MAP2K1: variants seen among roughly 807,000 people sequenced by gnomAD.
MAP2K1 encodes the protein mitogen-activated protein kinase kinase 1.
MAP2K1 carries 16 observed loss-of-function variants against 46.3 expected under a neutral mutation model. The ratio of observed to expected loss-of-function variants is 0.35; its 90% confidence interval spans 0.23 to 0.52. The LOEUF (loss-of-function observed/expected upper bound fraction) is 0.52, where lower values mean the gene tolerates loss of function less well. Among genes scored for constraint, MAP2K1 ranks in the 20% least tolerant of loss-of-function variants. The pLI is 0.94. For synonymous variants in MAP2K1, 183 were observed against 185.6 expected (o/e 0.99, Z 0.11); for missense variants, 263 against 497.1 (o/e 0.53, Z 4.48).
At chr15:66,400,378 G>A (rs1262009698) in intron 1 of MAP2K1, among the ~76,000 whole-genome samples, 1 of 152,032 alleles carries the variant, frequency 6.6e-6, no homozygotes, top group Non-Finnish European at 1.5e-5. Flanking sequence ...GCATTTCTCT[G>A]TGTGGATATT....
At chr15:66,441,421 A>T (rs994094727) in intron 3 of MAP2K1, among the ~76,000 whole-genome samples, 1 of 152,122 alleles carries the variant, frequency 6.6e-6, no homozygotes, top group Non-Finnish European at 1.5e-5. Flanking sequence ...TTGTAATCCC[A>T]GCACTTTGGG....
chr15:66,468,169 T>A (rs915788148), intron 5 of MAP2K1, among the ~76,000 whole-genome samples: 2 of 152,226 alleles, frequency 1.3e-5, no homozygotes, highest in Non-Finnish European at 2.9e-5. Flanking sequence ...TAGAGCTGTT[T>A]TATATTTTTT....
chr15:66,420,715 A>ATATATATATATATATATATG (rs1174431450), intron 1 of MAP2K1, among the ~76,000 whole-genome samples: 1 of 33,990 alleles, frequency 2.9e-5, no homozygotes, highest in Non-Finnish European at 6.3e-5. Context: ...GCATATATAT[A>ATATATATATATATATATATG]TATATATGTG....
intron 1 of MAP2K1, among the ~76,000 whole-genome samples, chr15:66,422,920 C>CT (rs147500143): frequency 7.7e-4 from 116 of 150,686 alleles, no homozygotes; most frequent in South Asian, 7.0e-3. Context: ...TTCTTTTATT[C>CT]TTTTTTTTTG....
intron 1 of MAP2K1, among the ~76,000 whole-genome samples, chr15:66,420,350 T>C (rs1253096805): frequency 6.6e-6 from 1 of 152,066 alleles, no homozygotes; most frequent in African/African-American, 2.4e-5. Context: ...GTGGACCACT[T>C]GAGCCCAGGA....
At chr15:66,414,288 A>C (rs979341007) in intron 1 of MAP2K1, among the ~76,000 whole-genome samples, 6 of 123,398 alleles carry the variant, frequency 4.9e-5, no homozygotes, top group African/African-American at 1.6e-4. Context: ...TCCTGACCAC[A>C]CACACTTCTG....
At position 66,460,977 on chromosome 15, in the gene MAP2K1, C is replaced by G. The variant is rs74824616; in HGVS notation, c.568+16270C>G. Among the ~76,000 whole-genome samples the G allele has an allele frequency of 5.3e-5, 8 of 152,222 alleles. No homozygotes were observed. The East Asian group carries it at 1.5e-3, about 29-fold the overall frequency. ...AGGGCTGTACGTGGAGAGCTGTGTT[C>G]TCCTCCTCCTCAGATCACAAAGCCT... On this transcript the variant is annotated intron_variant, in intron 5 of 10. Transcript: ENST00000307102.
rs2140675176 is a variant in MAP2K1 at position 66,485,141 on chromosome 15, A to G, written c.845A>G (p.Asp282Gly). ...ATGTTTGGGTGCCAGGTGGAAGGAG[A>G]TGCGGCTGAGACCCCACCCAGGCCA... Reference protein sequence around the residue: ...ELMFGCQVEGDAAETPPRPRT... With the variant: ...ELMFGCQVEGGAAETPPRPRT... The change falls in exon 7 of 11, where the codon GAT becomes GGT. Residue 282 changes from aspartate (D) to glycine (G), a missense_variant. By Grantham distance (94) the Asp-to-Gly change is moderately conservative (BLOSUM62 -1). This residue lies in a region of MAP2K1 where 118 missense variants were observed against 193.0 expected (regional missense o/e 0.61). Coordinates refer to ENST00000307102, the MANE Select transcript of MAP2K1 (RefSeq NM_002755.4). 6.2e-7 allele frequency: 1 copy of G among 1,613,916 alleles called. No individual in the cohort carries two copies. Among genetic ancestry groups the G allele is most frequent in the Non-Finnish European group, 8.5e-7 (1 of 1,180,014 alleles).
rs112998912 is a variant in MAP2K1 at position 66,448,173 on chromosome 15, A to C, written c.568+3466A>C. The stretch of plus-strand genomic sequence containing the variant: ...ATCTCAAAAAAAAAAAAAAAAAAAA[A>C]CCCACTATTTCCCCCTTTCCCCATC... On this transcript the variant is annotated intron_variant, in intron 5 of 10. Coordinates refer to ENST00000307102, the MANE Select transcript of MAP2K1 (RefSeq NM_002755.4). 5.9e-3 allele frequency among the ~76,000 whole-genome samples: 889 copies of C among 149,870 alleles called. 6 individuals are homozygous for C. The highest frequency in any genetic ancestry group is 9.7e-3 in the Non-Finnish European group (655 of 67,388).
At position 66,387,388 on chromosome 15, in the gene MAP2K1, C is replaced by T. The variant is rs2093344028; in HGVS notation, c.41C>T (p.Ala14Val). The change falls in exon 1 of 11, where the codon GCC (alanine) becomes GTC (valine). Residue 14 changes from alanine to valine, a missense_variant. Ala to Val is a moderately conservative substitution (Grantham distance 64, BLOSUM62 0). This residue lies in a region of MAP2K1 where 31 missense variants were observed against 29.9 expected (regional missense o/e 1.04). Coordinates refer to ENST00000307102, the MANE Select transcript of MAP2K1 (RefSeq NM_002755.4). ...CCGACGCCCATCCAGCTGAACCCGG[C>T]CCCCGACGGCTCTGCAGTTAACGGG... is the stretch of plus-strand genomic sequence containing the variant. Reference protein sequence around the residue: ...KKPTPIQLNPAPDGSAVNGTS... With the variant: ...KKPTPIQLNPVPDGSAVNGTS... The T allele has an allele frequency of 4.5e-6, 7 of 1,565,992 alleles. No homozygotes were observed. Among genetic ancestry groups the T allele is most frequent in the Non-Finnish European group, 6.1e-6 (7 of 1,154,646 alleles).
At chr15:66,407,400 A>G (rs1237803737) in intron 1 of MAP2K1, among the ~76,000 whole-genome samples, 1 of 152,178 alleles carries the variant, frequency 6.6e-6, no homozygotes, top group Non-Finnish European at 1.5e-5. Flanking sequence ...TTTAGGCCAT[A>G]GTGCTTTGGA....
chr15:66,404,432 C>G (rs1337902001), intron 1 of MAP2K1, among the ~76,000 whole-genome samples: 2 of 152,214 alleles, frequency 1.3e-5, no homozygotes, highest in East Asian at 3.8e-4. Flanking sequence ...GATTGCAACA[C>G]TTCAATATTT....
intron 5 of MAP2K1, chr15:66,453,606 C>T (rs1892092336): frequency 1.4e-6 from 1 of 701,782 alleles, no homozygotes; most frequent in African/African-American, 1.7e-5. Context: ...GTCTCCTTGT[C>T]CCTGCCTATG....
At chr15:66,487,736 C>T (rs1193620466) in intron 8 of MAP2K1, among the ~76,000 whole-genome samples, 1 of 152,036 alleles carries the variant, frequency 6.6e-6, no homozygotes, top group East Asian at 1.9e-4. Flanking sequence ...ATTAGTTCGT[C>T]GCTGCTTAAG....
chr15:66,485,041 A>G lies in MAP2K1; in HGVS notation c.745A>G (p.Met249Val). 2 of 1,613,880 alleles carry G rather than the reference A, an allele frequency of 1.2e-6. No individual in the cohort carries two copies. The highest frequency in any genetic ancestry group is 2.2e-5 in the South Asian group (2 of 91,062). Residue 249 changes from methionine (M) to valine (V), a missense_variant, in exon 7 of 11, where the codon ATG (methionine) becomes GTG (valine). This residue lies in a region of MAP2K1 where 118 missense variants were observed against 193.0 expected (regional missense o/e 0.61). Coordinates refer to ENST00000307102, the MANE Select transcript of MAP2K1 (RefSeq NM_002755.4). ...CTCTGTGCAGTCAGACATCTGGAGC[A>G]TGGGACTGTCTCTGGTAGAGATGGC... is the stretch of plus-strand genomic sequence containing the variant. ...HYSVQSDIWS[M>V]GLSLVEMAVG...
intron 1 of MAP2K1, among the ~76,000 whole-genome samples, chr15:66,398,243 C>T (rs2093372951): frequency 6.6e-6 from 1 of 151,818 alleles, no homozygotes; most frequent in Non-Finnish European, 1.5e-5. Flanking sequence ...ATGGTGAGAC[C>T]TTGTCTCTAC....
intron 1 of MAP2K1, 121 bp from the exon 2 acceptor site, chr15:66,434,906 G>C: frequency 1.3e-6 from 1 of 784,102 alleles, no homozygotes; most frequent in Admixed American, 1.8e-5. Flanking sequence ...CTCCTCTCTA[G>C]CCTCCCACTT....
At chr15:66,409,601 T>G (rs1566998863) in intron 1 of MAP2K1, among the ~76,000 whole-genome samples, 1 of 152,174 alleles carries the variant, frequency 6.6e-6, no homozygotes. Context: ...AAATCACATT[T>G]GGGAAAAAGT....
rs1336238362 is a variant in MAP2K1, at chr15:66,420,765, GTGTATATATATGTGTATATATA to G, written c.81-14258_81-14237del. ...TGTGTGTGTGTGTGTGTGTGTATGT[GTGTATATATATGTGTATATATA>G]TGTGTGTATATATATGTGTATATAT... On this transcript the variant is annotated intron_variant, in intron 1 of 10. Transcript: ENST00000307102. 2.6e-4 allele frequency among the ~76,000 whole-genome samples: 9 copies of G among 34,048 alleles called. 1 individual carries two copies. The East Asian group carries it at 2.8e-3, about 11-fold the overall frequency. The allele number at this position is 34,048 out of a possible 152,430, so 22.3% of individuals were successfully genotyped here.
Sources: allele counts gnomAD v4.1 joint callset (sites outside exome capture counted in the v4.1 genomes callset), GRCh38; gene constraint gnomAD v4.1.1; regional missense constraint gnomAD v4.1.1; transcripts MANE v1.5; gene names NCBI Gene and HGNC (gene_info 2026-07-23, HGNC 2026-07-21).